The following THRB variants were observed in gnomAD, a reference collection of about 807,000 sequenced individuals.
THRB encodes the protein thyroid hormone receptor beta, also known as nuclear receptor subfamily 1 group A member 2.
Under a neutral mutation model 47.8 loss-of-function variants are expected in THRB, and 12 were observed. That is an observed-to-expected ratio of 0.25 (90% CI 0.16 to 0.41). THRB has a LOEUF of 0.41. Ranked by LOEUF, THRB falls within the 10% of genes least tolerant of loss-of-function variation. The pLI, the probability that THRB is intolerant of heterozygous loss-of-function variation, is 1.00. For synonymous variants in THRB, 218 were observed against 212.2 expected, an observed-to-expected ratio of 1.03 and a Z score of -0.24; for missense variants, 348 against 589.2, an observed-to-expected ratio of 0.59 and a Z score of 4.24.
At chr3:24,232,955 C>G (rs1003136309) in intron 3 of THRB, among the ~76,000 whole-genome samples, 1 of 152,140 alleles carries the variant, frequency 6.6e-6, no homozygotes, top group African/African-American at 2.4e-5. Flanking sequence ...TGGGAAGGAA[C>G]AGCTAAAAAT....
At chr3:24,454,254 C>T (rs1339911554) in intron 1 of THRB, among the ~76,000 whole-genome samples, 1 of 152,092 alleles carries the variant, frequency 6.6e-6, no homozygotes, top group African/African-American at 2.4e-5. Context: ...AAATCAGTCA[C>T]AAAAAGTCAA....
chr3:24,324,428 C>A (rs1326274077), intron 2 of THRB, among the ~76,000 whole-genome samples: 3 of 151,992 alleles, frequency 2.0e-5, no homozygotes, highest in African/African-American at 7.2e-5. Context: ...GCACACTGAC[C>A]AAGGCATTTT....
At chr3:24,242,616 C>T (rs903536803) in intron 3 of THRB, among the ~76,000 whole-genome samples, 1 of 152,174 alleles carries the variant, frequency 6.6e-6, no homozygotes, top group African/African-American at 2.4e-5. Context: ...GCTCCTTGCA[C>T]AATGCCTGGC....
At chr3:24,238,420 C>G (rs1486863055) in intron 3 of THRB, among the ~76,000 whole-genome samples, 1 of 151,708 alleles carries the variant, frequency 6.6e-6, no homozygotes, top group East Asian at 1.9e-4. Context: ...GGTTAGGTGA[C>G]TCACTGAGAC....
intron 3 of THRB, among the ~76,000 whole-genome samples, chr3:24,288,733 TA>T (rs2055602452): frequency 6.6e-6 from 1 of 152,188 alleles, no homozygotes; most frequent in Non-Finnish European, 1.5e-5. Context: ...TCCCAACACA[TA>T]AGTGGGTTGT....
rs1369352592 is a variant in THRB, at chr3:24,143,961, A to C, written c.533-255T>G. Reference sequence around the variant, plus strand: ...AAAACAAAGTCCCCAGAGAACCTAGACACTGCGCACTCCAACTCCACAGAA... The same window carrying C: ...AAAACAAAGTCCCCAGAGAACCTAGCCACTGCGCACTCCAACTCCACAGAA... On this transcript the variant is annotated intron_variant, in intron 7 of 10. Transcript: ENST00000646209. 7.4e-6 allele frequency: 4 copies of C among 540,998 alleles called. No individual in the cohort carries two copies. In the East Asian group the frequency reaches 1.3e-4, roughly 18 times the overall value. 33.5% of individuals were successfully genotyped at this position (540,998 alleles called of 1,614,324 possible). A position where few individuals can be genotyped will look rare whatever the true frequency, so the allele number is the denominator to read the frequency against.
At chr3:24,149,350 G>A (rs573964269) in intron 6 of THRB, among the ~76,000 whole-genome samples, 121 of 152,298 alleles carry the variant, frequency 7.9e-4, no homozygotes, top group African/African-American at 2.8e-3. Flanking sequence ...TCTATCTGAA[G>A]TTGGGGAGAC....
intron 2 of THRB, among the ~76,000 whole-genome samples, chr3:24,323,969 A>C (rs1183332636): frequency 6.6e-6 from 1 of 152,216 alleles, no homozygotes; most frequent in African/African-American, 2.4e-5. Context: ...AATGTGCTAC[A>C]TCTGTTAATA....
chr3:24,252,447 G>T (rs1021303690), intron 3 of THRB, among the ~76,000 whole-genome samples: 1 of 151,982 alleles, frequency 6.6e-6, no homozygotes, highest in Non-Finnish European at 1.5e-5. Context: ...CATACCTTAT[G>T]CCTGGTTAAA....
At chr3:24,282,682 C>A (rs9863888) in intron 3 of THRB, among the ~76,000 whole-genome samples, 8 of 144,472 alleles carry the variant, frequency 5.5e-5, no homozygotes, top group Non-Finnish European at 7.4e-5. Flanking sequence ...ATTGATAGAC[C>A]GCTAGCAAGA....
At chr3:24,400,086 G>C (rs1156475240) in intron 1 of THRB, among the ~76,000 whole-genome samples, 3 of 152,120 alleles carry the variant, frequency 2.0e-5, no homozygotes, top group African/African-American at 4.8e-5. Flanking sequence ...TCTTTGCTGA[G>C]AGTTTGCTTG....
At chr3:24,299,822 A>G (rs1384377929) in intron 2 of THRB, among the ~76,000 whole-genome samples, 2 of 125,802 alleles carry the variant, frequency 1.6e-5, no homozygotes, top group African/African-American at 3.2e-5. Flanking sequence ...ACCAGAGTTT[A>G]TACCTTTAAA....
chr3:24,275,707 C>T (rs957974869), intron 3 of THRB, among the ~76,000 whole-genome samples: 1 of 152,050 alleles, frequency 6.6e-6, no homozygotes, highest in African/African-American at 2.4e-5. Context: ...CTTTTCTGTC[C>T]CCTTCTTTGG....
At chr3:24,280,407 A>G (rs2054436334) in intron 3 of THRB, among the ~76,000 whole-genome samples, 2 of 152,174 alleles carry the variant, frequency 1.3e-5, no homozygotes, top group Admixed American at 1.3e-4. Flanking sequence ...TAACAAACAG[A>G]AAGGACATCC....
chr3:24,207,297 A>G (rs929575956), intron 4 of THRB, among the ~76,000 whole-genome samples: 3 of 152,206 alleles, frequency 2.0e-5, no homozygotes, highest in African/African-American at 7.2e-5. Flanking sequence ...CTTACCCACC[A>G]TGATCAAGTG....
intron 2 of THRB, among the ~76,000 whole-genome samples, chr3:24,317,345 A>G (rs1423501830): frequency 2.6e-5 from 4 of 152,130 alleles, no homozygotes; most frequent in African/African-American, 9.7e-5. Flanking sequence ...ATGCTACCTG[A>G]GTGTTTGTTA....
chr3:24,475,518 T>C (rs1450271934), intron 1 of THRB, among the ~76,000 whole-genome samples: 1 of 144,960 alleles, frequency 6.9e-6, no homozygotes, highest in African/African-American at 2.6e-5. Flanking sequence ...TTGAAAATCA[T>C]ATATGTCAAC....
upstream of THRB, chr3:24,495,292 G>GC (rs75288587): frequency 1 from 153,708 of 153,708 alleles, 76,854 homozygotes; most frequent in Non-Finnish European, 1. Context: ...TGGCCTCCTG[G>GC]CGCACACCCC....
At chr3:24,166,068 A>G (rs2039603984) in intron 5 of THRB, among the ~76,000 whole-genome samples, 2 of 152,196 alleles carry the variant, frequency 1.3e-5, no homozygotes, top group South Asian at 2.1e-4. Flanking sequence ...CCCATGACAC[A>G]TAGGTCCCGC....
Sources: allele counts gnomAD v4.1 joint callset (sites outside exome capture counted in the v4.1 genomes callset), GRCh38; gene constraint gnomAD v4.1.1; transcripts MANE v1.5; gene names NCBI Gene and HGNC (gene_info 2026-07-23, HGNC 2026-07-21).